The following ZDHHC14 variants were observed in gnomAD, a reference collection of about 807,000 sequenced individuals.
The protein encoded by ZDHHC14 is zDHHC palmitoyltransferase 14.
A neutral mutation model predicts 47.7 loss-of-function variants in ZDHHC14; 16 were observed. The observed-to-expected ratio is 0.34, with a 90% CI of 0.23 to 0.51. ZDHHC14 has a LOEUF of 0.51. ZDHHC14 is among the 20% of genes least tolerant of loss of function. The pLI is 0.97. For synonymous variants in ZDHHC14, 293 were observed against 278.9 expected (o/e 1.05, Z -0.50); for missense variants, 515 against 662.5 (o/e 0.78, Z 2.44).
At chr6:157,569,000 A>G (rs113216378) in intron 2 of ZDHHC14, among the ~76,000 whole-genome samples, 17 of 152,042 alleles carry the variant, frequency 1.1e-4, no homozygotes, top group Non-Finnish European at 1.8e-4. Context: ...CCTTTGTTAT[A>G]TATGTTACAA....
intron 1 of ZDHHC14, among the ~76,000 whole-genome samples, chr6:157,451,853 C>A (rs1778811260): frequency 6.6e-6 from 1 of 152,188 alleles, no homozygotes; most frequent in South Asian, 2.1e-4. Context: ...AGCCACTGCG[C>A]TCAGCATCTT....
At chr6:157,394,423 T>TTC (rs919076111) in intron 1 of ZDHHC14, among the ~76,000 whole-genome samples, 26 of 151,498 alleles carry the variant, frequency 1.7e-4, no homozygotes, top group African/African-American at 2.4e-4. Flanking sequence ...TTCCACCTGC[T>TTC]TCTCTCTCTC....
intron 3 of ZDHHC14, among the ~76,000 whole-genome samples, chr6:157,608,880 C>T (rs1421941872): frequency 6.6e-6 from 1 of 152,098 alleles, no homozygotes; most frequent in Non-Finnish European, 1.5e-5. Flanking sequence ...AGAGTCCAGG[C>T]CAGGGCAGTG....
intron 3 of ZDHHC14, among the ~76,000 whole-genome samples, chr6:157,596,816 C>T (rs1012773409): frequency 3.9e-5 from 6 of 152,308 alleles, no homozygotes; most frequent in East Asian, 3.9e-4. Context: ...GGCCAGTAAG[C>T]GCGTGGCTCT....
Position 157,570,768 on chromosome 6 carries a change from C to A in ZDHHC14, c.407-22220C>A, listed in dbSNP as rs184963974. The stretch of plus-strand genomic sequence containing the variant: ...ATGTATATACATACACACACACACA[C>A]ACATATATATATACACACACACACA... On this transcript the variant is annotated intron_variant, in intron 2 of 8. Transcript: ENST00000359775. Among the ~76,000 whole-genome samples, 501 of 141,910 alleles carry A rather than the reference C, an allele frequency of 3.5e-3. 1 individual carries two copies. Among genetic ancestry groups the A allele is most frequent in the African/African-American group, 0.013 (488 of 36,808 alleles). 93.1% of individuals were successfully genotyped at this position (141,910 alleles called of 152,430 possible). A position where few individuals can be genotyped will look rare whatever the true frequency, so the allele number is the denominator to read the frequency against.
At chr6:157,632,599 C>G in intron 4 of ZDHHC14, 1 of 567,988 alleles carries the variant, frequency 1.8e-6, no homozygotes. Context: ...CATCCATCTG[C>G]TTTTATTGAA....
At chr6:157,452,491 A>AT (rs1346426169) in intron 1 of ZDHHC14, among the ~76,000 whole-genome samples, 2 of 151,954 alleles carry the variant, frequency 1.3e-5, no homozygotes, top group African/African-American at 4.8e-5. Flanking sequence ...ACAAAATTCT[A>AT]TTTTTTTGGA....
At chr6:157,567,415 G>A (rs1171393347) in intron 2 of ZDHHC14, among the ~76,000 whole-genome samples, 3 of 152,138 alleles carry the variant, frequency 2.0e-5, no homozygotes, top group African/African-American at 4.8e-5. Context: ...AAGCACTTAG[G>A]TTCCACCTGT....
intron 1 of ZDHHC14, among the ~76,000 whole-genome samples, chr6:157,527,952 A>C (rs1329105073): frequency 6.6e-6 from 1 of 152,028 alleles, no homozygotes; most frequent in African/African-American, 2.4e-5. Context: ...TGATTCTCCA[A>C]CTTTGCCATC....
chr6:157,630,810 C>T (rs1014350975), intron 4 of ZDHHC14: 2 of 139,138 alleles, frequency 1.4e-5, no homozygotes, highest in East Asian at 3.1e-4. Context: ...CACACACATA[C>T]CCTTGGACAC....
intron 1 of ZDHHC14, among the ~76,000 whole-genome samples, chr6:157,412,199 A>G (rs1184427219): frequency 1.2e-4 from 19 of 152,062 alleles, no homozygotes; most frequent in Non-Finnish European, 1.0e-4. Flanking sequence ...TCAGCCTCCC[A>G]AAGTGCTGGG....
chr6:157,651,239 C>T (rs573587016), intron 7 of ZDHHC14, among the ~76,000 whole-genome samples: 26 of 152,156 alleles, frequency 1.7e-4, no homozygotes, highest in Non-Finnish European at 3.2e-4. Context: ...TGGGGAGAAC[C>T]CTTCCTTGCC....
intron 1 of ZDHHC14, among the ~76,000 whole-genome samples, chr6:157,516,010 C>T (rs1026519582): frequency 1.3e-4 from 20 of 152,148 alleles, no homozygotes; most frequent in Admixed American, 1.0e-3. Context: ...ACCCAAGTCC[C>T]CTGTGTGCCC....
intron 3 of ZDHHC14, among the ~76,000 whole-genome samples, chr6:157,624,767 G>A (rs1307450646): frequency 6.6e-6 from 1 of 152,226 alleles, no homozygotes. Flanking sequence ...TGACAAATGT[G>A]TGTTAGGCTT....
At chr6:157,532,280 C>T (rs1781393815) in intron 1 of ZDHHC14, among the ~76,000 whole-genome samples, 2 of 152,260 alleles carry the variant, frequency 1.3e-5, no homozygotes, top group Admixed American at 6.5e-5. Flanking sequence ...AATGATTAAA[C>T]TAATTCATAT....
At chr6:157,637,873 A>T (rs1340356862) in intron 5 of ZDHHC14, among the ~76,000 whole-genome samples, 1 of 152,244 alleles carries the variant, frequency 6.6e-6, no homozygotes, top group Non-Finnish European at 1.5e-5. Flanking sequence ...AGAGATTAGA[A>T]ACAAAAATGG....
intron 5 of ZDHHC14, among the ~76,000 whole-genome samples, chr6:157,641,813 G>A (rs1020925384): frequency 9.2e-5 from 14 of 152,068 alleles, no homozygotes; most frequent in Non-Finnish European, 7.4e-5. Context: ...CTTACGTTTG[G>A]TGCAGTAATT....
intron 8 of ZDHHC14, among the ~76,000 whole-genome samples, chr6:157,670,246 T>A (rs1228498086): frequency 6.6e-6 from 1 of 152,142 alleles, no homozygotes; most frequent in African/African-American, 2.4e-5. Context: ...TGGTGATGAG[T>A]GGAAAGGATT....
Position 157,665,191 on chromosome 6 carries a change from A to G in ZDHHC14, c.1069-7533A>G, listed in dbSNP as rs1332982078. Reference sequence around the variant, plus strand: ...GCCAGTTTCATATACTCCCTTATATACAGGCTGAATGCTGGTCCAGTATCA... The same window carrying G: ...GCCAGTTTCATATACTCCCTTATATGCAGGCTGAATGCTGGTCCAGTATCA... On this transcript the variant is annotated intron_variant, in intron 8 of 8. Coordinates refer to ENST00000359775, the MANE Select transcript of ZDHHC14 (RefSeq NM_024630.3). Among the ~76,000 whole-genome samples, 3 of 152,198 alleles carry G rather than the reference A, an allele frequency of 2.0e-5. No homozygotes were observed. In the East Asian group the frequency reaches 5.8e-4, roughly 29 times the overall value.
Sources: allele counts gnomAD v4.1 joint callset (sites outside exome capture counted in the v4.1 genomes callset), GRCh38; gene constraint gnomAD v4.1.1; transcripts MANE v1.5; gene names NCBI Gene and HGNC (gene_info 2026-07-23, HGNC 2026-07-21).